Variants in XIRP2 observed in about 807,000 individuals in gnomAD.
XIRP2 encodes the protein xin actin-binding repeat-containing protein 2.
In XIRP2, 236 loss-of-function variants were observed where a neutral mutation model predicts 277.0. The observed-to-expected ratio is 0.85, with a 90% confidence interval of 0.77 to 0.95. The LOEUF (loss-of-function observed/expected upper bound fraction) is 0.95. XIRP2 is among the 40% of genes least tolerant of loss of function. The probability of loss-of-function intolerance (pLI) is 0.00; values close to 1 mark genes in which losing one functional copy is unlikely to be tolerated. For missense variants in XIRP2, 4,640 were observed against 4,157.5 expected (o/e 1.12, Z -3.19); for synonymous variants, 1,490 against 1,416.5 (o/e 1.05, Z -1.17).
intron 2 of XIRP2, among the ~76,000 whole-genome samples, chr2:166,973,843 A>T (rs973411860): frequency 2.0e-5 from 3 of 152,170 alleles, no homozygotes; most frequent in Non-Finnish European, 4.4e-5. Context: ...CTACATATAG[A>T]TAGATGATTC....
intron 2 of XIRP2, among the ~76,000 whole-genome samples, chr2:167,060,560 G>A (rs1689151675): frequency 6.6e-6 from 1 of 152,004 alleles, no homozygotes; most frequent in Admixed American, 6.6e-5. Context: ...TCATTCTTTT[G>A]AGTATAAATA....
At position 167,251,772 on chromosome 2, in the gene XIRP2, T is replaced by C; in HGVS notation, c.10380T>C (p.Asp3460=). 1 of 1,613,430 alleles carries C rather than the reference T, an allele frequency of 6.2e-7. No individual in the cohort carries two copies. The highest frequency in any genetic ancestry group is 8.5e-7 in the Non-Finnish European group (1 of 1,179,600). Residue 3460 remains aspartate, a synonymous_variant, in exon 9 of 11, where the codon GAT becomes GAC. Transcript: ENST00000409195. ...DFKHAPPTYE[D]VIAGHILDIS... is the part of the protein sequence containing the mutation. ...AGCATGCCCCACCAACCTATGAGGATGTCATTGCTGGACATATTTTAGATA... is the reference window on the plus strand; with the variant it reads ...AGCATGCCCCACCAACCTATGAGGACGTCATTGCTGGACATATTTTAGATA...
intron 2 of XIRP2, among the ~76,000 whole-genome samples, chr2:167,025,805 C>A (rs1318867974): frequency 6.6e-6 from 1 of 152,074 alleles, no homozygotes; most frequent in Non-Finnish European, 1.5e-5. Flanking sequence ...TTTGCTTGCA[C>A]TGTGGTCTGA....
chr2:166,911,055 A>G (rs370011909), intron 2 of XIRP2, among the ~76,000 whole-genome samples: 2 of 152,218 alleles, frequency 1.3e-5, no homozygotes, highest in East Asian at 1.9e-4. Flanking sequence ...TTTTGGAATA[A>G]GTGTGATGTG....
chr2:167,210,941 C>A, intron 4 of XIRP2, 46 bp downstream of exon 4: 1 of 1,604,760 alleles, frequency 6.2e-7, no homozygotes, highest in Non-Finnish European at 8.5e-7. Flanking sequence ...TGCTTACTGT[C>A]TGTCCCAATT....
chr2:167,074,528 T>C (rs920278888), intron 2 of XIRP2, among the ~76,000 whole-genome samples: 1 of 152,158 alleles, frequency 6.6e-6, no homozygotes, highest in African/African-American at 2.4e-5. Flanking sequence ...TTTAAAACAA[T>C]GGAACATATT....
chr2:167,078,379 T>G (rs1397061397), intron 2 of XIRP2, among the ~76,000 whole-genome samples: 1 of 152,216 alleles, frequency 6.6e-6, no homozygotes, highest in East Asian at 1.9e-4. Context: ...TTTTCAGTCT[T>G]TAGGGTTTTC....
intron 2 of XIRP2, among the ~76,000 whole-genome samples, chr2:167,034,071 A>G (rs1404256597): frequency 6.6e-6 from 1 of 152,168 alleles, no homozygotes; most frequent in Non-Finnish European, 1.5e-5. Flanking sequence ...AACTACAACA[A>G]TGTTTCAAGA....
chr2:167,244,563 G>T lies in XIRP2; in HGVS notation c.3171G>T (p.Trp1057Cys). 1 of 1,612,784 alleles carries T rather than the reference G, an allele frequency of 6.2e-7. No individual in the cohort carries two copies. The highest frequency in any genetic ancestry group is 8.5e-7 in the Non-Finnish European group (1 of 1,179,504). ...IQTGNVKSAK[W>C]LFETQPLDSI... is the part of the protein sequence containing the mutation. The stretch of plus-strand genomic sequence containing the variant: ...CTGGAAATGTGAAATCTGCCAAATG[G>T]TTGTTTGAAACCCAACCTCTTGATT... The change falls in exon 9 of 11, where the codon TGG becomes TGT. Residue 1057 changes from tryptophan (W) to cysteine (C), a missense_variant. Transcript: ENST00000409195.
intron 2 of XIRP2, among the ~76,000 whole-genome samples, chr2:167,087,347 G>C (rs955285321): frequency 6.6e-6 from 1 of 152,080 alleles, no homozygotes; most frequent in Admixed American, 6.5e-5. Context: ...TCTCTTCAAA[G>C]CTGTCAGACA....
intron 2 of XIRP2, among the ~76,000 whole-genome samples, chr2:166,970,205 A>G (rs569447895): frequency 6.6e-6 from 1 of 152,064 alleles, no homozygotes; most frequent in Non-Finnish European, 1.5e-5. Context: ...ACTTTTTGAT[A>G]ACTATCTTTA....
rs1306456309 is a variant in XIRP2, at chr2:167,258,887, A to C, written c.*1070A>C. 3 of 1,613,274 alleles carry C rather than the reference A, an allele frequency of 1.9e-6. No individual in the cohort carries two copies. The highest frequency in any genetic ancestry group is 8.5e-7 in the Non-Finnish European group (1 of 1,179,626). On this transcript the variant is annotated 3_prime_UTR_variant, in exon 11 of 11. Transcript: ENST00000409195. ...GAGGAATGTACTAGCAATGGCTCTG[A>C]AGAAACAGACTGACAGAGCAGCTGC...
Position 167,195,022 on chromosome 2 carries a change from T to C in XIRP2, c.563-15713T>C, listed in dbSNP as rs140280872. The stretch of plus-strand genomic sequence containing the variant: ...AATATGTGACCCTATATGCTGAACA[T>C]TGAAAACTGCAACACACTAAAAACC... On this transcript the variant is annotated intron_variant, in intron 3 of 10. Coordinates refer to ENST00000409195, the MANE Select transcript of XIRP2 (RefSeq NM_152381.6). 7.0e-3 allele frequency among the ~76,000 whole-genome samples: 1,065 copies of C among 152,272 alleles called. 17 individuals are homozygous for C. Among genetic ancestry groups the C allele is most frequent in the African/African-American group, 0.024 (1,002 of 41,560 alleles).
chr2:166,939,704 AACAAAAACAAAAAAC>A (rs1393989247), intron 2 of XIRP2, among the ~76,000 whole-genome samples: 11 of 150,138 alleles, frequency 7.3e-5, no homozygotes, highest in African/African-American at 2.7e-4. Flanking sequence ...AAAAACAAAA[AACAAAAACAAAAAAC>A]AAAACAAAAA....
intron 5 of XIRP2, among the ~76,000 whole-genome samples, chr2:167,227,451 G>T (rs1694636708): frequency 6.6e-6 from 1 of 152,066 alleles, no homozygotes; most frequent in Non-Finnish European, 1.5e-5. Context: ...ACTTTGGGAG[G>T]CCAAAGTGGG....
chr2:167,089,912 T>C (rs1049873163), intron 2 of XIRP2, among the ~76,000 whole-genome samples: 3 of 152,120 alleles, frequency 2.0e-5, no homozygotes, highest in African/African-American at 7.2e-5. Context: ...ATTTCCTATC[T>C]GGACCTTACG....
At chr2:167,070,246 G>A (rs1457979253) in intron 2 of XIRP2, among the ~76,000 whole-genome samples, 1 of 152,036 alleles carries the variant, frequency 6.6e-6, no homozygotes, top group East Asian at 1.9e-4. Context: ...TCTCTTAGGT[G>A]AGGGCTTAAC....
chr2:167,153,675 T>A (rs1019054109), intron 3 of XIRP2, among the ~76,000 whole-genome samples: 2 of 152,004 alleles, frequency 1.3e-5, no homozygotes, highest in Non-Finnish European at 2.9e-5. Flanking sequence ...TTTTTGTTCT[T>A]GCGATAGTTT....
chr2:166,954,531 C>T (rs1050953578), intron 2 of XIRP2, among the ~76,000 whole-genome samples: 1 of 151,888 alleles, frequency 6.6e-6, no homozygotes, highest in African/African-American at 2.4e-5. Flanking sequence ...AGATTAAGAA[C>T]CAGAAATACC....
Sources: allele counts gnomAD v4.1 joint callset (sites outside exome capture counted in the v4.1 genomes callset), GRCh38; gene constraint gnomAD v4.1.1; transcripts MANE v1.5; gene names NCBI Gene and HGNC (gene_info 2026-07-23, HGNC 2026-07-21).